The following PDE5A variants were observed in gnomAD, a reference collection of about 807,000 sequenced individuals.
PDE5A encodes the protein cGMP-specific 3',5'-cyclic phosphodiesterase.
In PDE5A, 67 loss-of-function variants were observed where a neutral mutation model predicts 110.2. The ratio of observed to expected loss-of-function variants is 0.61; its 90% confidence interval spans 0.50 to 0.75. The LOEUF is 0.75. PDE5A is among the 30% of genes least tolerant of loss of function. The pLI, the probability that PDE5A is intolerant of heterozygous loss-of-function variation, is 0.00. For synonymous variants in PDE5A, 328 were observed against 351.2 expected (o/e 0.93, Z 0.74); for missense variants, 862 against 1,045.1 (o/e 0.82, Z 2.42).
intron 20 of PDE5A, among the ~76,000 whole-genome samples, chr4:119,500,651 T>TAAG (rs758700965): frequency 4.6e-5 from 7 of 152,004 alleles, no homozygotes; most frequent in Non-Finnish European, 1.0e-4. Flanking sequence ...TCTAAACTAA[T>TAAG]AAGTTAGATG....
intron 2 of PDE5A, among the ~76,000 whole-genome samples, chr4:119,597,028 T>G (rs954092483): frequency 5.9e-5 from 9 of 152,134 alleles, no homozygotes; most frequent in Non-Finnish European, 1.0e-4. Flanking sequence ...AAGGGCTCTT[T>G]TACAGTTCTT....
intron 3 of PDE5A, among the ~76,000 whole-genome samples, chr4:119,593,713 G>T (rs753538210): frequency 2.0e-5 from 3 of 152,152 alleles, no homozygotes; most frequent in Non-Finnish European, 4.4e-5. Context: ...GTACACTTAA[G>T]CTGGGTAAAT....
At chr4:119,539,977 G>GA (rs1374717799) in intron 10 of PDE5A, among the ~76,000 whole-genome samples, 9 of 151,630 alleles carry the variant, frequency 5.9e-5, no homozygotes, top group East Asian at 5.8e-4. Context: ...CCAAAAATCT[G>GA]AAAAAAAATG....
intron 1 of PDE5A, among the ~76,000 whole-genome samples, chr4:119,624,064 A>G (rs1402299981): frequency 6.6e-6 from 1 of 152,180 alleles, no homozygotes; most frequent in Non-Finnish European, 1.5e-5. Flanking sequence ...AGGACACTAA[A>G]AGCAGCTTAG....
chr4:119,601,004 A>C (rs1729324651), intron 2 of PDE5A, among the ~76,000 whole-genome samples: 1 of 152,222 alleles, frequency 6.6e-6, no homozygotes, highest in South Asian at 2.1e-4. Flanking sequence ...ATACACTACG[A>C]AGGTGTGTGG....
intron 1 of PDE5A, 88 bp from the exon 2 acceptor site, chr4:119,607,385 C>A: frequency 1.4e-6 from 1 of 716,844 alleles, no homozygotes. Flanking sequence ...TCATGGTAAA[C>A]TGATGAGATA....
intron 8 of PDE5A, 70 bp from the exon 9 acceptor site, chr4:119,552,707 T>G: frequency 1.3e-6 from 1 of 774,374 alleles, no homozygotes; most frequent in African/African-American, 1.8e-5. Context: ...AGATGCCATA[T>G]AAACTATATG....
At chr4:119,620,477 A>C (rs970850028) in intron 1 of PDE5A, among the ~76,000 whole-genome samples, 5 of 152,178 alleles carry the variant, frequency 3.3e-5, no homozygotes, top group Non-Finnish European at 7.3e-5. Context: ...TTAAAGGAAA[A>C]CCTACCACTT....
chr4:119,596,791 T>C (rs950266391), intron 2 of PDE5A, among the ~76,000 whole-genome samples, 179 bp from the exon 3 acceptor site: 2 of 152,110 alleles, frequency 1.3e-5, no homozygotes, highest in Non-Finnish European at 2.9e-5. Flanking sequence ...CAAAGATAAA[T>C]TGAAGTTGCT....
Position 119,565,374 on chromosome 4 carries a change from GAAC to G in PDE5A, c.937_939del (p.Val313del), listed in dbSNP as rs1469868849. ...GTCTCATAGAGCTGAGCATTATGAA[GAAC>G]AATACCACAAAATGCCAAATAAGCA... is the stretch of plus-strand genomic sequence containing the variant. On this transcript the variant is annotated inframe_deletion, in exon 5 of 21. Transcript: ENST00000354960. 1.9e-6 allele frequency: 3 copies of G among 1,611,912 alleles called. No homozygotes were observed. Among genetic ancestry groups the G allele is most frequent in the Non-Finnish European group, 8.5e-7 (1 of 1,178,728 alleles).
In PDE5A at chr4:119,525,572, G is replaced by C; in HGVS notation, c.1756C>G (p.Gln586Glu). 6.2e-7 allele frequency: 1 copy of C among 1,612,902 alleles called. No individual in the cohort carries two copies. The highest frequency in any genetic ancestry group is 8.5e-7 in the Non-Finnish European group (1 of 1,179,350). Residue 586 changes from glutamine to glutamate, a missense_variant, in exon 12 of 21, where the codon CAG (glutamine) becomes GAG (glutamate). Physicochemically the swap from Gln to Glu is conservative, Grantham distance 29. Transcript: ENST00000354960. The surrounding 1 kb of genome is among the most constrained non-coding windows in gnomAD (Gnocchi z 4.3). ...ACCTCATGTTTCATCTGGAAGTTCT[G>C]CACAAGGTTGAGGTCAGTAAACATC... is the stretch of plus-strand genomic sequence containing the variant. ...IRMFTDLNLV[Q>E]NFQMKHEVLC...
At chr4:119,530,881 A>G (rs972565012) in intron 11 of PDE5A, among the ~76,000 whole-genome samples, 3 of 152,132 alleles carry the variant, frequency 2.0e-5, no homozygotes, top group African/African-American at 7.2e-5. Flanking sequence ...TTTTCTCTTA[A>G]AGTTCAATTA....
chr4:119,525,890 T>C lies in PDE5A; in HGVS notation c.1633-195A>G, dbSNP rs1473781086. ...TTAAAACTGAGCCACATAAGGGTAA[T>C]TAATATGGTTCAAAGTAGGCTAAGT... is the stretch of plus-strand genomic sequence containing the variant. On this transcript the variant is annotated intron_variant, in intron 11 of 20. Coordinates refer to ENST00000354960, the MANE Select transcript of PDE5A (RefSeq NM_001083.4). This position sits in a 1 kb window ranked among gnomAD's most constrained non-coding sequence, Gnocchi z 4.3. Among the ~76,000 whole-genome samples, 2 of 152,146 alleles carry C rather than the reference T, an allele frequency of 1.3e-5. No individual in the cohort carries two copies. Among genetic ancestry groups the C allele is most frequent in the African/African-American group, 4.8e-5 (2 of 41,524 alleles).
At chr4:119,574,179 C>CA (rs71597005) in intron 3 of PDE5A, among the ~76,000 whole-genome samples, 1 of 89,176 alleles carries the variant, frequency 1.1e-5, no homozygotes, top group African/African-American at 4.6e-5. Flanking sequence ...AAAATATAGG[C>CA]TTTTTTTTTT....
intron 3 of PDE5A, among the ~76,000 whole-genome samples, chr4:119,587,112 C>T (rs1728789959): frequency 6.6e-6 from 1 of 152,146 alleles, no homozygotes; most frequent in African/African-American, 2.4e-5. Flanking sequence ...TTGTCACTAT[C>T]ACAACCTCAA....
At chr4:119,620,688 C>T (rs141475567) in intron 1 of PDE5A, among the ~76,000 whole-genome samples, 311 of 152,170 alleles carry the variant, frequency 2.0e-3, no homozygotes, top group African/African-American at 7.3e-3. Context: ...TAATCATAAT[C>T]AAAACAAAAG....
chr4:119,533,184 A>G (rs1726607108), intron 11 of PDE5A, among the ~76,000 whole-genome samples: 1 of 152,176 alleles, frequency 6.6e-6, no homozygotes, highest in African/African-American at 2.4e-5. Context: ...CCATTTTTAA[A>G]GAAATTATTT....
chr4:119,550,692 C>T (rs989217113), intron 9 of PDE5A, among the ~76,000 whole-genome samples: 3 of 152,184 alleles, frequency 2.0e-5, no homozygotes, highest in African/African-American at 7.2e-5. Flanking sequence ...CTCTGCCTTC[C>T]TTCCTATGAT....
chr4:119,544,430 C>G (rs1727060947), intron 9 of PDE5A, among the ~76,000 whole-genome samples: 1 of 152,152 alleles, frequency 6.6e-6, no homozygotes, highest in Non-Finnish European at 1.5e-5. Context: ...ATGTATATAT[C>G]CTGTGTGTGG....
Sources: gnomAD v4.1 joint callset for allele counts (sites outside exome capture counted in the v4.1 genomes callset) on GRCh38, gnomAD v4.1.1 for gene constraint, Gnocchi (gnomAD v3.1) non-coding constraint, MANE v1.5 for transcripts, NCBI Gene and HGNC (gene_info 2026-07-23, HGNC 2026-07-21) for gene names.